ERFL: variants seen among roughly 807,000 people sequenced by gnomAD.
ERFL encodes the protein ETS domain-containing transcription factor ERF-like.
ERFL carries 8 observed loss-of-function variants against 27.9 expected under a neutral mutation model. That is an observed-to-expected ratio of 0.29 (90% confidence interval 0.17 to 0.52). The LOEUF is 0.52. ERFL is among the 20% of genes least tolerant of loss of function. The pLI is 0.97. For synonymous variants in ERFL, 174 were observed against 202.8 expected (o/e 0.86, Z 1.21); for missense variants, 294 against 444.4 (o/e 0.66, Z 3.04).
intron 1 of ERFL, among the ~76,000 whole-genome samples, chr19:41,919,026 G>C (rs1352537440): frequency 1.4e-5 from 2 of 148,064 alleles, no homozygotes; most frequent in Non-Finnish European, 3.0e-5. Context: ...CCATGCCACA[G>C]ACACTATACA....
chr19:41,918,934 A>G (rs932270158), intron 1 of ERFL, among the ~76,000 whole-genome samples: 6 of 148,520 alleles, frequency 4.0e-5, no homozygotes, highest in African/African-American at 7.5e-5. Flanking sequence ...TGCACACCAC[A>G]TACACTACTC....
chr19:41,918,864 ACAC>A (rs1339559681), intron 1 of ERFL, among the ~76,000 whole-genome samples: 5 of 149,400 alleles, frequency 3.3e-5, no homozygotes, highest in African/African-American at 9.9e-5. Context: ...GACACACCAC[ACAC>A]CACATATCCA....
chr19:41,926,314 G>A (rs1378730613), intron 1 of ERFL, among the ~76,000 whole-genome samples: 2 of 152,080 alleles, frequency 1.3e-5, no homozygotes, highest in African/African-American at 4.8e-5. Context: ...TACCTCCAGG[G>A]CAGATGAAGG....
At chr19:41,925,580 G>A (rs1478837479) in intron 1 of ERFL, among the ~76,000 whole-genome samples, 1 of 152,146 alleles carries the variant, frequency 6.6e-6, no homozygotes, top group Non-Finnish European at 1.5e-5. Context: ...AAGGCATAAT[G>A]GCAGGGAAAG....
chr19:41,926,728 C>CG (rs1245665402), intron 1 of ERFL, among the ~76,000 whole-genome samples: 3 of 146,016 alleles, frequency 2.1e-5, no homozygotes, highest in Non-Finnish European at 3.0e-5. Context: ...GGGGAGCGGG[C>CG]GGGGGGGCCG....
Position 41,917,345 on chromosome 19 carries a change from C to A in ERFL, c.-13-4413G>T, listed in dbSNP as rs1249640935. 8.6e-5 allele frequency among the ~76,000 whole-genome samples: 13 copies of A among 151,972 alleles called. No homozygotes were observed. The highest frequency in any genetic ancestry group is 3.1e-4 in the African/African-American group (13 of 41,326). On this transcript the variant is annotated intron_variant, in intron 1 of 5. Coordinates refer to ENST00000597630, the MANE Select transcript of ERFL (RefSeq NM_001365103.2). This position sits in a 1 kb window ranked among gnomAD's most constrained non-coding sequence, Gnocchi z 4.8. ...ATCTCTCTCTGCCTCTGTCTCCTAA[C>A]GCCCCATCACCACGCCCCCCTGGGC...
intron 1 of ERFL, 52 bp from the exon 2 acceptor site, chr19:41,912,984 C>T: frequency 1.2e-6 from 1 of 852,296 alleles, no homozygotes; most frequent in Non-Finnish European, 1.6e-6. Flanking sequence ...GAGAGACAGA[C>T]ACAGGTCAGC....
intron 1 of ERFL, among the ~76,000 whole-genome samples, chr19:41,926,848 G>T (rs2074874323): frequency 6.6e-6 from 1 of 152,158 alleles, no homozygotes; most frequent in Non-Finnish European, 1.5e-5. Context: ...CTGGAATTAG[G>T]TCCCCGGCTT....
intron 2 of ERFL, among the ~76,000 whole-genome samples, chr19:41,912,497 C>G (rs1274211080): frequency 1.3e-5 from 2 of 152,232 alleles, no homozygotes; most frequent in Admixed American, 6.5e-5. Flanking sequence ...CCTAGTGCCC[C>G]CTCCAGCCCA....
At position 41,912,855 on chromosome 19, in the gene ERFL, G is replaced by A. The variant is rs996226067; in HGVS notation, c.65C>T (p.Pro22Leu). 5.1e-5 allele frequency: 62 copies of A among 1,223,128 alleles called. No homozygotes were observed. Among genetic ancestry groups the A allele is most frequent in the Non-Finnish European group, 5.9e-5 (58 of 980,264 alleles). 75.8% of individuals were successfully genotyped at this position (1,223,128 alleles called of 1,614,324 possible). A position where few individuals can be genotyped will look rare whatever the true frequency, so the allele number is the denominator to read the frequency against. Residue 22 changes from proline to leucine, a missense_variant and splice_region_variant, in exon 2 of 6, where the codon CCC becomes CTC. Coordinates refer to ENST00000597630, the MANE Select transcript of ERFL (RefSeq NM_001365103.2). Reference sequence around the variant, plus strand: ...TGGGGGAGGTCCGGGCCAGTTACCGGGGGTCCAGAGAGCCGGCAGGGCGGG... The same window carrying A: ...TGGGGGAGGTCCGGGCCAGTTACCGAGGGTCCAGAGAGCCGGCAGGGCGGG... The part of the protein sequence containing the change: ...APPALPALWT[P>L]GFAFPDWAYK...
intron 1 of ERFL, among the ~76,000 whole-genome samples, chr19:41,920,649 G>A (rs936274203): frequency 3.9e-5 from 6 of 152,242 alleles, no homozygotes; most frequent in African/African-American, 4.8e-5. Context: ...CCAGGAGCAC[G>A]CATGTCTACA....
intron 1 of ERFL, among the ~76,000 whole-genome samples, chr19:41,922,105 G>T (rs1293509920): frequency 6.6e-6 from 1 of 152,118 alleles, no homozygotes; most frequent in Non-Finnish European, 1.5e-5. Context: ...GGGGCAGAGA[G>T]CTGAAGCGGG....
chr19:41,924,783 C>T (rs1408500370), intron 1 of ERFL, among the ~76,000 whole-genome samples: 2 of 152,012 alleles, frequency 1.3e-5, no homozygotes, highest in African/African-American at 2.4e-5. Context: ...GGAAGGCGCT[C>T]CTCGAGGAGA....
At chr19:41,926,514 C>T (rs943092230) in intron 1 of ERFL, among the ~76,000 whole-genome samples, 2 of 152,104 alleles carry the variant, frequency 1.3e-5, no homozygotes, top group Non-Finnish European at 2.9e-5. Flanking sequence ...TCTGCCACCT[C>T]GATTTCTCTC....
Position 41,928,353 on chromosome 19 carries a change from A to G in ERFL, c.-327T>C, listed in dbSNP as rs566414690. On this transcript the variant is annotated 5_prime_UTR_variant, in exon 1 of 6. Transcript: ENST00000597630. ...GCGCAAAGAGAGCAGAGACGGGGAG[A>G]GCTGAGGACGGAGCTCCGGGCTGGA... 11 of 152,292 alleles carry G rather than the reference A, an allele frequency of 7.2e-5. No homozygotes were observed. The highest frequency in any genetic ancestry group is 4.6e-4 in the Admixed American group (7 of 15,288). 9.4% of individuals were successfully genotyped at this position (152,292 alleles called of 1,614,324 possible).
In ERFL at chr19:41,909,147, G is replaced by A; in HGVS notation, c.529C>T (p.Leu177=). Residue 177 remains leucine (L), a synonymous_variant, in exon 5 of 6, where the codon CTG becomes TTG. Transcript: ENST00000597630. This position sits in a 1 kb window ranked among gnomAD's most constrained non-coding sequence, Gnocchi z 5.2. ...TLQTLFSAPR[L]GEPGARTPLF... ...GGTGTCCGGGCCCCTGGCTCTCCCA[G>A]GCGTGGGGCAGAGAACAGGGTTTGC... 8.1e-7 allele frequency: 1 copy of A among 1,231,932 alleles called. No individual in the cohort carries two copies. The highest frequency in any genetic ancestry group is 3.1e-4 in the Middle Eastern group (1 of 3,212). The allele number at this position is 1,231,932 out of a possible 1,614,324, so 76.3% of individuals were successfully genotyped here.
rs1293916556 is a variant in ERFL, at chr19:41,910,789, GACAC to G, written c.68-696_68-693del. 6.6e-6 allele frequency among the ~76,000 whole-genome samples: 1 copy of G among 152,132 alleles called. No individual in the cohort carries two copies. The highest frequency in any genetic ancestry group is 2.1e-4 in the South Asian group (1 of 4,830). The stretch of plus-strand genomic sequence containing the variant: ...CACAGACATCAGTTCACTTGCCTGA[GACAC>G]ACAGCCACACTGGGACACAGGCACA... On this transcript the variant is annotated intron_variant, in intron 2 of 5. Transcript: ENST00000597630. The surrounding 1 kb of genome is among the most constrained non-coding windows in gnomAD (Gnocchi z 4.4).
intron 1 of ERFL, among the ~76,000 whole-genome samples, chr19:41,915,403 C>T (rs573621842): frequency 2.0e-4 from 30 of 151,840 alleles, no homozygotes; most frequent in Admixed American, 1.2e-3. Flanking sequence ...TGTCCCCGTC[C>T]GTCTGTCCGT....
In ERFL at chr19:41,912,923, G is replaced by A. The variant is rs1189882544; in HGVS notation, c.-4C>T. On this transcript the variant is annotated 5_prime_UTR_variant, in exon 2 of 6. Coordinates refer to ENST00000597630, the MANE Select transcript of ERFL (RefSeq NM_001365103.2). ...CGGAGACGCAGCTACAGTCCATGGCGGAGCCGGCCCTGCAGAGGCCGGGAG... is the reference window on the plus strand; with the variant it reads ...CGGAGACGCAGCTACAGTCCATGGCAGAGCCGGCCCTGCAGAGGCCGGGAG... The A allele has an allele frequency of 2.4e-6, 3 of 1,231,134 alleles. No individual in the cohort carries two copies. Among genetic ancestry groups the A allele is most frequent in the South Asian group, 4.1e-5 (1 of 24,322 alleles). The allele number at this position is 1,231,134 out of a possible 1,614,324, so 76.3% of individuals were successfully genotyped here.
Sources: allele counts gnomAD v4.1 joint callset (sites outside exome capture counted in the v4.1 genomes callset), GRCh38; gene constraint gnomAD v4.1.1; non-coding constraint Gnocchi (gnomAD v3.1); transcripts MANE v1.5; gene names NCBI Gene and HGNC (gene_info 2026-07-23, HGNC 2026-07-21).